GLIS3: variants seen among roughly 807,000 people sequenced by gnomAD.
GLIS3 encodes zinc finger protein GLIS3.
In GLIS3, 53 loss-of-function variants were observed where a neutral mutation model predicts 78.6. That is an observed-to-expected ratio of 0.67 (90% confidence interval 0.54 to 0.85). The LOEUF (loss-of-function observed/expected upper bound fraction) is 0.85, where lower values mean the gene tolerates loss of function less well. Ranked by LOEUF, GLIS3 falls within the 40% of genes least tolerant of loss-of-function variation. The pLI is 0.00. For synonymous variants in GLIS3, 684 were observed against 509.9 expected (o/e 1.34, Z -4.60); for missense variants, 1,703 against 1,231.1 (o/e 1.38, Z -5.74).
chr9:4,061,110 C>A (rs1186139780), intron 4 of GLIS3, among the ~76,000 whole-genome samples: 2 of 151,900 alleles, frequency 1.3e-5, no homozygotes, highest in Non-Finnish European at 2.9e-5. Context: ...TACATGTGCA[C>A]AACGTGCAGG....
chr9:3,831,127 C>T (rs1464426062), intron 9 of GLIS3, among the ~76,000 whole-genome samples: 1 of 152,074 alleles, frequency 6.6e-6, no homozygotes, highest in Non-Finnish European at 1.5e-5. Flanking sequence ...GACTAGAGTG[C>T]ACTTTATATA....
intron 2 of GLIS3, among the ~76,000 whole-genome samples, chr9:4,283,277 T>C (rs571022108): frequency 1.3e-5 from 2 of 151,746 alleles, no homozygotes; most frequent in Non-Finnish European, 2.9e-5. Flanking sequence ...TTGTTTTTTT[T>C]TTTTTTGAGA....
intron 4 of GLIS3, among the ~76,000 whole-genome samples, chr9:3,974,649 A>G (rs2130935808): frequency 6.6e-6 from 1 of 152,300 alleles, no homozygotes; most frequent in East Asian, 1.9e-4. Context: ...CAATGAAACT[A>G]TTACAAGTTT....
At chr9:4,098,882 T>G (rs1325679689) in intron 4 of GLIS3, among the ~76,000 whole-genome samples, 1 of 152,122 alleles carries the variant, frequency 6.6e-6, no homozygotes, top group South Asian at 2.1e-4. Context: ...GAGCTCAAAG[T>G]AGGAGATACT....
intron 2 of GLIS3, among the ~76,000 whole-genome samples, chr9:4,184,730 T>C (rs1817618917): frequency 1.3e-5 from 2 of 152,162 alleles, no homozygotes; most frequent in Non-Finnish European, 2.9e-5. Flanking sequence ...GGATGCTAAC[T>C]CTCCCCTATA....
intron 4 of GLIS3, 32 bp from the exon 5 acceptor site, chr9:3,937,221 G>C: frequency 6.2e-7 from 1 of 1,612,986 alleles, no homozygotes; most frequent in Non-Finnish European, 8.5e-7. Flanking sequence ...TGGTGGTTGA[G>C]AAGGACCTTG....
At chr9:4,132,921 G>C (rs1002433465) in intron 2 of GLIS3, among the ~76,000 whole-genome samples, 2 of 152,184 alleles carry the variant, frequency 1.3e-5, no homozygotes, top group Non-Finnish European at 2.9e-5. Context: ...TCAGCGTACT[G>C]TTCTAAAATG....
chr9:4,485,592 G>A, the GLIS3 span, among the ~76,000 whole-genome samples: 1 of 152,124 alleles, frequency 6.6e-6, no homozygotes, highest in Non-Finnish European at 1.5e-5. Context: ...GACTAGCTTT[G>A]CATTAATTAA....
At chr9:4,168,018 T>C (rs1564143348) in intron 2 of GLIS3, among the ~76,000 whole-genome samples, 1 of 152,224 alleles carries the variant, frequency 6.6e-6, no homozygotes, top group Non-Finnish European at 1.5e-5. Context: ...CCTAGGGCTT[T>C]AGTTGGAGTC....
intron 4 of GLIS3, among the ~76,000 whole-genome samples, chr9:3,967,543 T>G (rs1469240671): frequency 6.6e-6 from 1 of 152,014 alleles, no homozygotes; most frequent in Non-Finnish European, 1.5e-5. Flanking sequence ...AAGATATTAG[T>G]ATATGAGGAT....
chr9:4,400,169 C>G, the GLIS3 span, among the ~76,000 whole-genome samples: 1 of 152,174 alleles, frequency 6.6e-6, no homozygotes, highest in African/African-American at 2.4e-5. Flanking sequence ...CTTCCCCTAT[C>G]GCTTCTCGGC....
At position 4,118,762 on chromosome 9, in the gene GLIS3, T is replaced by C. The variant is rs781592292; in HGVS notation, c.716A>G (p.Asn239Ser). ...QGYRALPSLS[N>S]HGSQNGLDLG... ...ATCAAGGCCATTCTGAGAGCCGTGG[T>C]TGGAGAGCGAAGGGAGGGCCCTGTA... The change falls in exon 4 of 11, where the codon AAC becomes AGC. Residue 239 changes from asparagine (N) to serine (S), a missense_variant. Coordinates refer to ENST00000381971, the MANE Select transcript of GLIS3 (RefSeq NM_001042413.2). This position sits in a 1 kb window ranked among gnomAD's most constrained non-coding sequence, Gnocchi z 4.7. The C allele has an allele frequency of 1.4e-5, 22 of 1,613,398 alleles. No individual in the cohort carries two copies. The highest frequency in any genetic ancestry group is 4.5e-5 in the East Asian group (2 of 44,866).
chr9:4,408,065 G>C, the GLIS3 span, among the ~76,000 whole-genome samples: 1 of 152,126 alleles, frequency 6.6e-6, no homozygotes, highest in Non-Finnish European at 1.5e-5. Context: ...ACCACAAGGA[G>C]ATATCGTATG....
intron 2 of GLIS3, among the ~76,000 whole-genome samples, chr9:4,193,450 G>A (rs1037469041): frequency 2.0e-5 from 3 of 152,168 alleles, no homozygotes; most frequent in African/African-American, 7.2e-5. Flanking sequence ...TTACAGAAAA[G>A]GTTTGCAGAC....
intron 2 of GLIS3, among the ~76,000 whole-genome samples, chr9:4,168,149 TTCTTA>T (rs1240825708): frequency 2.0e-5 from 3 of 152,052 alleles, no homozygotes; most frequent in Non-Finnish European, 4.4e-5. Flanking sequence ...GTTGTTGCCT[TTCTTA>T]TCTTCTCTCT....
intron 4 of GLIS3, among the ~76,000 whole-genome samples, chr9:4,025,583 T>C (rs191600230): frequency 6.6e-6 from 1 of 152,254 alleles, no homozygotes; most frequent in Non-Finnish European, 1.5e-5. Context: ...AGACGGGGTT[T>C]CACCATGTTT....
chr9:3,860,816 G>T (rs1203440518), intron 8 of GLIS3, among the ~76,000 whole-genome samples: 7 of 152,204 alleles, frequency 4.6e-5, no homozygotes, highest in African/African-American at 1.4e-4. Context: ...AGGGGTCTTT[G>T]TTGAGCACTA....
the GLIS3 span, among the ~76,000 whole-genome samples, chr9:4,436,810 CAAAAAAAAAAAAAAA>C: frequency 1.9e-5 from 1 of 53,574 alleles, no homozygotes; most frequent in South Asian, 1.1e-3. Context: ...GACTGCATCT[CAAAAAAAAAAAAAAA>C]AAAAAAAAAA....
At chr9:3,953,795 C>CTCTATATATATATATATATATATA (rs1403671770) in intron 4 of GLIS3, among the ~76,000 whole-genome samples, 1 of 73,330 alleles carries the variant, frequency 1.4e-5, no homozygotes, top group African/African-American at 5.7e-5. Flanking sequence ...CTCTCTCTCT[C>CTCTATATATATATATATATATATA]TATATATATA....
Sources: gnomAD v4.1 joint callset for allele counts (sites outside exome capture counted in the v4.1 genomes callset) on GRCh38, gnomAD v4.1.1 for gene constraint, Gnocchi (gnomAD v3.1) non-coding constraint, MANE v1.5 for transcripts, NCBI Gene and HGNC (gene_info 2026-07-23, HGNC 2026-07-21) for gene names.